SMPD3: variants seen among roughly 807,000 people sequenced by gnomAD.
SMPD3 encodes sphingomyelin phosphodiesterase 3.
In SMPD3, 21 loss-of-function variants were observed where a neutral mutation model predicts 55.7. The ratio of observed to expected loss-of-function variants is 0.38; its 90% CI spans 0.27 to 0.54. The LOEUF (loss-of-function observed/expected upper bound fraction) is 0.54, where lower values mean the gene tolerates loss of function less well. Ranked by LOEUF, SMPD3 falls within the 20% of genes least tolerant of loss-of-function variation. The probability of loss-of-function intolerance (pLI) is 0.80; values close to 1 mark genes in which losing one functional copy is unlikely to be tolerated. For missense variants in SMPD3, 842 were observed against 899.6 expected (o/e 0.94, Z 0.82); for synonymous variants, 457 against 404.3 (o/e 1.13, Z -1.56).
At chr16:68,442,103 G>A (rs184355385) in intron 1 of SMPD3, among the ~76,000 whole-genome samples, 26 of 152,284 alleles carry the variant, frequency 1.7e-4, no homozygotes, top group African/African-American at 6.0e-4. Context: ...ATTGGTATTG[G>A]ATCAAAGAAG....
intron 1 of SMPD3, among the ~76,000 whole-genome samples, chr16:68,435,620 T>C (rs1432882600): frequency 6.6e-6 from 1 of 152,168 alleles, no homozygotes; most frequent in African/African-American, 2.4e-5. Flanking sequence ...GGGAGGGACA[T>C]CCTGCCAGGG....
rs140381396 is a variant in SMPD3, at chr16:68,415,737, T to A, written c.-268-29078A>T. On this transcript the variant is annotated intron_variant, in intron 1 of 8. Coordinates refer to ENST00000219334, the MANE Select transcript of SMPD3 (RefSeq NM_018667.4). ...TTCATTATACTCTTCAGATGAAGAA[T>A]CTAATTTAAAAAGATCTACAAATTT... Among the ~76,000 whole-genome samples, 7 of 151,882 alleles carry A rather than the reference T, an allele frequency of 4.6e-5. No homozygotes were observed. The East Asian group carries it at 7.7e-4, about 17-fold the overall frequency.
intron 1 of SMPD3, among the ~76,000 whole-genome samples, chr16:68,405,054 G>A (rs2090242103): frequency 6.6e-6 from 1 of 152,180 alleles, no homozygotes; most frequent in Admixed American, 6.5e-5. Flanking sequence ...ATCATTTGTG[G>A]CATCTGCCCT....
intron 1 of SMPD3, among the ~76,000 whole-genome samples, chr16:68,420,968 G>A (rs1381514011): frequency 6.6e-6 from 1 of 152,156 alleles, no homozygotes; most frequent in Non-Finnish European, 1.5e-5. Flanking sequence ...CCATCCCTGG[G>A]GTTTGGCCAA....
In SMPD3 at chr16:68,371,687, G is replaced by T; in HGVS notation, c.495C>A (p.Pro165=). 6.4e-7 allele frequency: 1 copy of T among 1,572,128 alleles called. No individual in the cohort carries two copies. The highest frequency in any genetic ancestry group is 8.6e-7 in the Non-Finnish European group (1 of 1,159,398). The change falls in exon 3 of 9, where the codon CCC becomes CCA. Residue 165 remains proline, a synonymous_variant. Transcript: ENST00000219334. ...GGGAGTCGATGTAAATTTTGATCTG[G>T]GGCCGGGCGGCCCCATTGCGGATTC... The part of the protein sequence containing the change: ...GQRIRNGAAR[P]QIKIYIDSPT...
intron 1 of SMPD3, among the ~76,000 whole-genome samples, chr16:68,405,545 C>CAAAAAAAAAAA (rs67518521): frequency 8.2e-5 from 6 of 72,972 alleles, no homozygotes; most frequent in East Asian, 3.5e-4. Flanking sequence ...GACCCTGTCT[C>CAAAAAAAAAAA]AAAAAAAAAA....
chr16:68,387,513 T>C (rs1221546037), intron 1 of SMPD3, among the ~76,000 whole-genome samples: 2 of 152,124 alleles, frequency 1.3e-5, no homozygotes, highest in African/African-American at 4.8e-5. Flanking sequence ...GCCCCGCCCC[T>C]GATCCCTGGC....
At chr16:68,429,774 A>G (rs930612170) in intron 1 of SMPD3, among the ~76,000 whole-genome samples, 5 of 152,166 alleles carry the variant, frequency 3.3e-5, no homozygotes, top group Non-Finnish European at 7.4e-5. Flanking sequence ...TCCTGGGACC[A>G]AGCAGTGTGT....
intron 1 of SMPD3, among the ~76,000 whole-genome samples, chr16:68,436,606 A>G (rs937476439): frequency 1.3e-5 from 2 of 152,218 alleles, no homozygotes; most frequent in Non-Finnish European, 2.9e-5. Context: ...CACTCACTAC[A>G]TATAGGTCAC....
At chr16:68,433,807 T>G (rs1291839151) in intron 1 of SMPD3, among the ~76,000 whole-genome samples, 2 of 152,288 alleles carry the variant, frequency 1.3e-5, no homozygotes, top group East Asian at 3.9e-4. Flanking sequence ...ATATATGTTC[T>G]CAAATCTTGG....
intron 1 of SMPD3, among the ~76,000 whole-genome samples, chr16:68,435,690 G>T (rs1435116385): frequency 1.3e-5 from 2 of 152,256 alleles, no homozygotes; most frequent in Non-Finnish European, 2.9e-5. Flanking sequence ...GGGGGCCTGA[G>T]GGGCAGGAGT....
intron 3 of SMPD3, chr16:68,367,721 T>C (rs2089528670): frequency 6.6e-6 from 1 of 152,260 alleles, no homozygotes; most frequent in Non-Finnish European, 1.5e-5. Flanking sequence ...CAAGATCCAC[T>C]TGATTATTTG....
Position 68,371,347 on chromosome 16 carries a change from T to C in SMPD3, c.835A>G (p.Thr279Ala), listed in dbSNP as rs753855318. Reference protein sequence around the residue: ...NGAGGGPRGQTPNHNQQDGDS... With the variant: ...NGAGGGPRGQAPNHNQQDGDS... ...CCGTCCTGCTGATTATGGTTGGGCG[T>C]CTGGCCCCTTGGGCCCCCGCCAGCT... The change falls in exon 3 of 9, where the codon ACG becomes GCG. Residue 279 changes from threonine (T) to alanine (A), a missense_variant. Transcript: ENST00000219334. 6.3e-6 allele frequency: 10 copies of C among 1,582,860 alleles called. No homozygotes were observed.
chr16:68,389,614 T>C (rs1048724338), intron 1 of SMPD3, among the ~76,000 whole-genome samples: 2 of 152,212 alleles, frequency 1.3e-5, no homozygotes, highest in African/African-American at 2.4e-5. Context: ...TGGGGCCAGG[T>C]ACCTTCGATG....
intron 1 of SMPD3, among the ~76,000 whole-genome samples, chr16:68,424,872 G>T (rs1390732156): frequency 6.6e-6 from 1 of 152,102 alleles, no homozygotes; most frequent in Non-Finnish European, 1.5e-5. Flanking sequence ...CACCATGCCT[G>T]GCTAATTTTT....
At chr16:68,421,403 G>A (rs1323303700) in intron 1 of SMPD3, among the ~76,000 whole-genome samples, 2 of 152,328 alleles carry the variant, frequency 1.3e-5, no homozygotes, top group East Asian at 1.9e-4. Flanking sequence ...AGGGAGAGAC[G>A]TGGTTATATG....
At chr16:68,445,647 G>A (rs1300003204) in intron 1 of SMPD3, among the ~76,000 whole-genome samples, 1 of 152,224 alleles carries the variant, frequency 6.6e-6, no homozygotes, top group Non-Finnish European at 1.5e-5. Flanking sequence ...TTCCAGCAGA[G>A]GTCGCTGTGG....
intron 1 of SMPD3, among the ~76,000 whole-genome samples, chr16:68,389,343 A>G (rs1376998406): frequency 6.6e-6 from 1 of 152,204 alleles, no homozygotes; most frequent in Non-Finnish European, 1.5e-5. Context: ...ACAGACCAGT[A>G]CCTGGGGTGA....
At chr16:68,410,685 C>T (rs149232041) in intron 1 of SMPD3, among the ~76,000 whole-genome samples, 45 of 152,306 alleles carry the variant, frequency 3.0e-4, no homozygotes, top group African/African-American at 8.7e-4. Flanking sequence ...TCCACCATCA[C>T]GGATGGAAAT....
Sources: allele counts gnomAD v4.1 joint callset (sites outside exome capture counted in the v4.1 genomes callset), GRCh38; gene constraint gnomAD v4.1.1; transcripts MANE v1.5; gene names NCBI Gene and HGNC (gene_info 2026-07-23, HGNC 2026-07-21).